NRG3: variants seen among roughly 807,000 people sequenced by gnomAD.
NRG3 encodes the protein pro-neuregulin-3, membrane-bound isoform.
In NRG3, 31 loss-of-function variants were observed where a neutral mutation model predicts 66.9. The ratio of observed to expected loss-of-function variants is 0.46; its 90% CI spans 0.35 to 0.63. The LOEUF is 0.63. Among genes scored for constraint, NRG3 ranks in the 20% least tolerant of loss-of-function variants. The pLI is 0.00. For missense variants in NRG3, 910 were observed against 878.9 expected (o/e 1.04, Z -0.45); for synonymous variants, 393 against 359.4 (o/e 1.09, Z -1.06).
chr10:81,996,026 A>G (rs1589723142), intron 1 of NRG3, among the ~76,000 whole-genome samples: 1 of 152,196 alleles, frequency 6.6e-6, no homozygotes, highest in African/African-American at 2.4e-5. Context: ...TTTATAATGC[A>G]TAATGAATAG....
chr10:82,226,836 CA>C (rs1413543035), intron 1 of NRG3, among the ~76,000 whole-genome samples: 2 of 152,126 alleles, frequency 1.3e-5, no homozygotes, highest in Admixed American at 1.3e-4. Context: ...TCTATACTTC[CA>C]GGATGGTTTT....
intron 2 of NRG3, among the ~76,000 whole-genome samples, chr10:82,690,404 T>A (rs1373480413): frequency 6.6e-6 from 1 of 152,102 alleles, no homozygotes; most frequent in Admixed American, 6.6e-5. Context: ...CCTGCTAAGC[T>A]TTATCAAATG....
chr10:82,433,941 T>G (rs1302725980), intron 2 of NRG3, among the ~76,000 whole-genome samples: 2 of 152,214 alleles, frequency 1.3e-5, no homozygotes, highest in Non-Finnish European at 2.9e-5. Context: ...GGGTCTTCTT[T>G]GATTCCATAT....
At chr10:82,670,927 C>T (rs1242931283) in intron 2 of NRG3, among the ~76,000 whole-genome samples, 2 of 152,182 alleles carry the variant, frequency 1.3e-5, no homozygotes, top group Non-Finnish European at 2.9e-5. Context: ...CATCAATTCT[C>T]ATCCTCCTTA....
chr10:82,395,248 T>C (rs926658447), intron 2 of NRG3, among the ~76,000 whole-genome samples: 5 of 152,076 alleles, frequency 3.3e-5, no homozygotes, highest in Non-Finnish European at 2.9e-5. Context: ...AGGTCACTGA[T>C]ATATCAAGCT....
At chr10:82,033,734 G>C (rs1171391059) in intron 1 of NRG3, among the ~76,000 whole-genome samples, 1 of 152,050 alleles carries the variant, frequency 6.6e-6, no homozygotes, top group East Asian at 1.9e-4. Context: ...AGGGATTTGA[G>C]CATGGTCCCT....
chr10:81,996,481 A>T (rs1314542964), intron 1 of NRG3, among the ~76,000 whole-genome samples: 1 of 152,230 alleles, frequency 6.6e-6, no homozygotes, highest in African/African-American at 2.4e-5. Context: ...GCAATATGAT[A>T]TAATGGTGCA....
chr10:82,749,611 G>A (rs893951934), intron 3 of NRG3, among the ~76,000 whole-genome samples: 1 of 152,110 alleles, frequency 6.6e-6, no homozygotes, highest in Non-Finnish European at 1.5e-5. Context: ...ACTTATATGT[G>A]AGGATGGTGC....
chr10:81,997,544 G>A (rs1015968533), intron 1 of NRG3, among the ~76,000 whole-genome samples: 6 of 152,014 alleles, frequency 3.9e-5, no homozygotes, highest in African/African-American at 1.4e-4. Flanking sequence ...TGTATTTGGA[G>A]GGCCCCGAAT....
chr10:82,341,810 G>A (rs560475956), intron 1 of NRG3, among the ~76,000 whole-genome samples: 2 of 151,936 alleles, frequency 1.3e-5, no homozygotes, highest in Non-Finnish European at 2.9e-5. Flanking sequence ...ATGTCCATGT[G>A]TACCCTTTGT....
intron 2 of NRG3, among the ~76,000 whole-genome samples, chr10:82,542,361 C>A (rs2043602220): frequency 6.6e-6 from 1 of 152,232 alleles, no homozygotes; most frequent in African/African-American, 2.4e-5. Context: ...ATTATAGGGA[C>A]ATATAGAGGA....
intron 4 of NRG3, among the ~76,000 whole-genome samples, chr10:82,912,953 C>T (rs1014736523): frequency 5.3e-5 from 8 of 152,134 alleles, no homozygotes; most frequent in African/African-American, 4.8e-5. Flanking sequence ...CGGCCGGGTG[C>T]GGTGGCTCAC....
At chr10:82,749,769 A>T (rs2134916968) in intron 3 of NRG3, among the ~76,000 whole-genome samples, 1 of 149,284 alleles carries the variant, frequency 6.7e-6, no homozygotes, top group Middle Eastern at 3.4e-3. Context: ...TTCACTTTTG[A>T]GTGAGTAGAA....
chr10:82,906,553 A>G (rs1844752299), intron 4 of NRG3, among the ~76,000 whole-genome samples: 1 of 152,226 alleles, frequency 6.6e-6, no homozygotes, highest in Admixed American at 6.5e-5. Flanking sequence ...AAGAATAAAT[A>G]AGTTATAAAT....
rs868179124 is a variant in NRG3 at position 82,047,729 on chromosome 10, G to C, written c.823+171566G>C. 8.3e-4 allele frequency among the ~76,000 whole-genome samples: 126 copies of C among 151,054 alleles called. No homozygotes were observed. In the Middle Eastern group the frequency reaches 0.01, roughly 12 times the overall value. On this transcript the variant is annotated intron_variant, in intron 1 of 8. Coordinates refer to ENST00000372141, the MANE Select transcript of NRG3 (RefSeq NM_001010848.4). Reference sequence around the variant, plus strand: ...ACAACCAGCTAACATCATAATGACAGGTTCAAATTCACACATAACAATATT... The same window carrying C: ...ACAACCAGCTAACATCATAATGACACGTTCAAATTCACACATAACAATATT...
intron 2 of NRG3, among the ~76,000 whole-genome samples, chr10:82,395,397 G>A (rs2086650505): frequency 6.6e-6 from 1 of 152,140 alleles, no homozygotes; most frequent in Admixed American, 6.5e-5. Context: ...AATATGATCA[G>A]GGCAGGATTC....
chr10:82,728,023 G>A (rs891947360), intron 2 of NRG3, among the ~76,000 whole-genome samples: 1 of 152,094 alleles, frequency 6.6e-6, no homozygotes, highest in Non-Finnish European at 1.5e-5. Flanking sequence ...TCTCCCATTT[G>A]AAACAACTGT....
At chr10:82,556,803 C>G (rs2044680490) in intron 2 of NRG3, among the ~76,000 whole-genome samples, 1 of 152,104 alleles carries the variant, frequency 6.6e-6, no homozygotes, top group Non-Finnish European at 1.5e-5. Flanking sequence ...AGCCTCCACC[C>G]TGAAGTAGAT....
intron 2 of NRG3, among the ~76,000 whole-genome samples, chr10:82,370,973 C>G (rs1295199033): frequency 1.3e-5 from 2 of 151,968 alleles, no homozygotes; most frequent in Non-Finnish European, 2.9e-5. Context: ...CACACACACA[C>G]ACATTCACAC....
Sources: allele counts gnomAD v4.1 joint callset (sites outside exome capture counted in the v4.1 genomes callset), GRCh38; gene constraint gnomAD v4.1.1; transcripts MANE v1.5; gene names NCBI Gene and HGNC (gene_info 2026-07-23, HGNC 2026-07-21).